KLKB1: variants seen among roughly 807,000 people sequenced by gnomAD.
The protein encoded by KLKB1 is kallikrein B1.
Under a neutral mutation model 73.6 loss-of-function variants are expected in KLKB1, and 58 were observed. The observed-to-expected ratio is 0.79, with a 90% CI of 0.64 to 0.98. KLKB1 has a LOEUF of 0.98. Ranked by LOEUF, KLKB1 falls within the 50% of genes least tolerant of loss-of-function variation. The pLI is 0.00. For synonymous variants in KLKB1, 280 were observed against 258.1 expected, an observed-to-expected ratio of 1.08 and a Z score of -0.81; for missense variants, 737 against 763.8, an observed-to-expected ratio of 0.96 and a Z score of 0.41.
chr4:186,238,751 G>A (rs1186590383), intron 6 of KLKB1, among the ~76,000 whole-genome samples: 1 of 152,198 alleles, frequency 6.6e-6, no homozygotes, highest in Non-Finnish European at 1.5e-5. Context: ...GGAGGAAGAA[G>A]CCCTGCTGAT....
At chr4:186,219,422 G>T (rs757550131) in intron 2 of KLKB1, among the ~76,000 whole-genome samples, 4 of 152,128 alleles carry the variant, frequency 2.6e-5, no homozygotes, top group Non-Finnish European at 2.9e-5. Context: ...AACCAGAAGT[G>T]TACCAATCCC....
chr4:186,224,026 A>G (rs1295030215), upstream of KLKB1, among the ~76,000 whole-genome samples: 4 of 152,256 alleles, frequency 2.6e-5, no homozygotes, highest in Admixed American at 1.3e-4. Context: ...AAAAGGGTCC[A>G]TAGCTCAGGC....
In KLKB1 at chr4:186,258,162, G is replaced by A. The variant is rs1408456658; in HGVS notation, c.1867G>A (p.Glu623Lys). 6.2e-7 allele frequency: 1 copy of A among 1,614,164 alleles called. No individual in the cohort carries two copies. Among genetic ancestry groups the A allele is most frequent in the Admixed American group, 1.7e-5 (1 of 60,024 alleles). The change falls in exon 15 of 15, where the codon GAG becomes AAG. Residue 623 changes from glutamate to lysine, a missense_variant. Coordinates refer to ENST00000264690, the MANE Select transcript of KLKB1 (RefSeq NM_000892.5). ...KVAEYMDWIL[E>K]KTQSSDGKAQ... The stretch of plus-strand genomic sequence containing the variant: ...CGCTGAGTACATGGACTGGATTTTA[G>A]AGAAAACACAGAGCAGTGATGGAAA...
At chr4:186,254,412 A>C (rs1480282598) in intron 11 of KLKB1, among the ~76,000 whole-genome samples, 176 bp from the exon 12 acceptor site, 1 of 152,270 alleles carries the variant, frequency 6.6e-6, no homozygotes, top group Non-Finnish European at 1.5e-5. Flanking sequence ...GAATCTTCAG[A>C]GATTCACTAC....
intron 6 of KLKB1, among the ~76,000 whole-genome samples, chr4:186,246,163 A>G (rs1738336062): frequency 6.6e-6 from 1 of 151,926 alleles, no homozygotes; most frequent in Non-Finnish European, 1.5e-5. Context: ...TAGAAGGATT[A>G]TAGGGTGGAG....
intron 11 of KLKB1, 113 bp from the exon 12 acceptor site, chr4:186,254,475 A>C: frequency 2.2e-6 from 2 of 899,834 alleles, no homozygotes; most frequent in Admixed American, 1.8e-5. Context: ...GTAGGAGAAA[A>C]TGTGTCCTAT....
At chr4:186,229,906 C>G (rs4253242) in intron 2 of KLKB1, among the ~76,000 whole-genome samples, 3 of 152,232 alleles carry the variant, frequency 2.0e-5, no homozygotes, top group Non-Finnish European at 4.4e-5. Context: ...TGCAATGAAG[C>G]TTTTCTTTAG....
rs1453754651 is a variant in KLKB1 at position 186,258,086 on chromosome 4, C to T, written c.1791C>T (p.Ser597=). 6.2e-7 allele frequency: 1 copy of T among 1,614,106 alleles called. No individual in the cohort carries two copies. The highest frequency in any genetic ancestry group is 2.2e-5 in the East Asian group (1 of 44,884). Residue 597 remains serine, a synonymous_variant, in exon 15 of 15, where the codon AGC becomes AGT. Transcript: ENST00000264690. ...TGTGGCGTTTGGTGGGCATCACCAG[C>T]TGGGGTGAAGGCTGTGCCCGCAGGG... ...NGMWRLVGIT[S]WGEGCARREQ...
At chr4:186,218,653 C>T (rs12331051) in intron 2 of KLKB1, among the ~76,000 whole-genome samples, 57,290 of 120,008 alleles carry the variant, frequency 0.48, 10,924 homozygotes, top group African/African-American at 0.53. Context: ...TGTGTGTGTG[C>T]GCATGTGTGT....
intron 2 of KLKB1, among the ~76,000 whole-genome samples, chr4:186,219,880 A>T (rs1736995591): frequency 6.6e-6 from 1 of 152,096 alleles, no homozygotes; most frequent in African/African-American, 2.4e-5. Flanking sequence ...TATTCCTTGC[A>T]TACTCTTCCT....
At position 186,256,106 on chromosome 4, in the gene KLKB1, A is replaced by G; in HGVS notation, c.1585+19A>G. 6.8e-7 allele frequency: 1 copy of G among 1,481,194 alleles called. No homozygotes were observed. The highest frequency in any genetic ancestry group is 9.4e-7 in the Non-Finnish European group (1 of 1,058,974). The allele number at this position is 1,481,194 out of a possible 1,614,324, so 91.8% of individuals were successfully genotyped here. On this transcript the variant is annotated intron_variant, in intron 13 of 14. Coordinates refer to ENST00000264690, the MANE Select transcript of KLKB1 (RefSeq NM_000892.5). Reference sequence around the variant, plus strand: ...GAGAAAGGTAAGCATGACGCTTTAAATATTGCTTCTAGAGTAAGTCTCACA... The same window carrying G: ...GAGAAAGGTAAGCATGACGCTTTAAGTATTGCTTCTAGAGTAAGTCTCACA...
chr4:186,256,543 C>T (rs998591176), intron 13 of KLKB1, among the ~76,000 whole-genome samples: 5 of 152,128 alleles, frequency 3.3e-5, no homozygotes, highest in Admixed American at 6.5e-5. Flanking sequence ...CCATCTTTCC[C>T]GATTCAGTCT....
intron 6 of KLKB1, among the ~76,000 whole-genome samples, chr4:186,242,795 G>A (rs1738121846): frequency 1.3e-5 from 2 of 152,020 alleles, no homozygotes; most frequent in Admixed American, 6.6e-5. Context: ...AGCTTGGTGA[G>A]GTGTGTTTTT....
intron 4 of KLKB1, among the ~76,000 whole-genome samples, chr4:186,234,634 T>C (rs4253341): frequency 0.024 from 3,700 of 152,278 alleles, 156 homozygotes; most frequent in African/African-American, 0.085. Flanking sequence ...AGAAACTCTG[T>C]GATATACCAC....
intron 7 of KLKB1, among the ~76,000 whole-genome samples, chr4:186,250,849 C>T (rs1168198741): frequency 2.0e-5 from 3 of 152,194 alleles, no homozygotes; most frequent in Non-Finnish European, 4.4e-5. Context: ...AGATAACCCA[C>T]CCTCTTCTGC....
chr4:186,215,853 G>C (rs1176103524), intron 2 of KLKB1, among the ~76,000 whole-genome samples: 1 of 152,154 alleles, frequency 6.6e-6, no homozygotes, highest in Admixed American at 6.5e-5. Context: ...ATCTTCCTAG[G>C]AGTGGGATTG....
chr4:186,222,997 A>T (rs548115144), upstream of KLKB1, among the ~76,000 whole-genome samples: 4 of 152,250 alleles, frequency 2.6e-5, no homozygotes, highest in East Asian at 3.9e-4. Flanking sequence ...TTCTCATGAT[A>T]GTGAGGGTGT....
At chr4:186,222,665 A>G (rs933989970), upstream of KLKB1, among the ~76,000 whole-genome samples, 1 of 152,234 alleles carries the variant, frequency 6.6e-6, no homozygotes, top group Non-Finnish European at 1.5e-5. Context: ...TAACTTTTAT[A>G]CTAGAGTTAA....
chr4:186,256,978 CCTCT>C (rs941566001), intron 13 of KLKB1, among the ~76,000 whole-genome samples: 13 of 110,910 alleles, frequency 1.2e-4, no homozygotes, highest in Admixed American at 5.2e-4. Flanking sequence ...TCTCCCTCTT[CCTCT>C]CTCTGTCTCT....
Sources: gnomAD v4.1 joint callset for allele counts (sites outside exome capture counted in the v4.1 genomes callset) on GRCh38, gnomAD v4.1.1 for gene constraint, MANE v1.5 for transcripts, NCBI Gene and HGNC (gene_info 2026-07-23, HGNC 2026-07-21) for gene names.